The following KDM1A variants were observed in gnomAD, a reference collection of about 807,000 sequenced individuals.
KDM1A encodes the protein lysine-specific histone demethylase 1A.
In KDM1A, 49 loss-of-function variants were observed where a neutral mutation model predicts 109.4. The ratio of observed to expected loss-of-function variants is 0.45; its 90% CI spans 0.36 to 0.57. KDM1A has a LOEUF of 0.57. Among genes scored for constraint, KDM1A ranks in the 20% least tolerant of loss-of-function variants. KDM1A has a pLI of 0.00. For missense variants in KDM1A, 668 were observed against 1,116.6 expected (o/e 0.60, Z 5.73); for synonymous variants, 380 against 415.4 (o/e 0.91, Z 1.04).
chr1:23,021,416 C>T (rs1641623872), intron 1 of KDM1A, among the ~76,000 whole-genome samples: 3 of 152,172 alleles, frequency 2.0e-5, no homozygotes, highest in Admixed American at 1.3e-4. Context: ...AATCCCTGCA[C>T]TTTGGGAGGC....
chr1:23,055,029 C>T, intron 5 of KDM1A, 40 bp from the exon 6 acceptor site: 1 of 1,287,072 alleles, frequency 7.8e-7, no homozygotes, highest in African/African-American at 1.5e-5. Flanking sequence ...GTTTAAACTG[C>T]TGAAAATAAA....
At chr1:23,044,283 T>A (rs1432929970) in intron 2 of KDM1A, 144 bp from the exon 3 acceptor site, 1 of 697,052 alleles carries the variant, frequency 1.4e-6, no homozygotes, top group South Asian at 1.7e-5. Context: ...TCCCTGGGCC[T>A]TGATTCCAGA....
intron 5 of KDM1A, 96 bp downstream of exon 5, chr1:23,053,935 CATTCAT>C (rs1642748723): frequency 1.4e-6 from 1 of 708,232 alleles, no homozygotes; most frequent in Non-Finnish European, 2.5e-6. Flanking sequence ...TTAATTTTTT[CATTCAT>C]ATTTCCATGT....
At chr1:23,082,005 GA>G in intron 19 of KDM1A, 2 of 370,790 alleles carry the variant, frequency 5.4e-6, no homozygotes, top group Non-Finnish European at 9.3e-6. Context: ...TGGATTCATA[GA>G]CAGGAAGGCA....
chr1:23,037,757 T>A lies in KDM1A; in HGVS notation c.518-6670T>A, dbSNP rs540071083. On this transcript the variant is annotated intron_variant, in intron 2 of 20. Transcript: ENST00000400181. Reference sequence around the variant, plus strand: ...ATTTTTAACTATTTACTGCTTTTGGTCGATAAGAACCCTTGAATCAGATGC... The same window carrying A: ...ATTTTTAACTATTTACTGCTTTTGGACGATAAGAACCCTTGAATCAGATGC... Among the ~76,000 whole-genome samples the A allele has an allele frequency of 1.9e-4, 29 of 152,338 alleles. No individual in the cohort carries two copies. In the South Asian group the frequency reaches 4.8e-3, roughly 25 times the overall value.
At chr1:23,036,907 G>A (rs750386643) in intron 2 of KDM1A, among the ~76,000 whole-genome samples, 9 of 152,192 alleles carry the variant, frequency 5.9e-5, no homozygotes, top group Non-Finnish European at 1.2e-4. Flanking sequence ...ATTATTGTAC[G>A]ATGATAATTA....
At chr1:23,055,316 TATA>T (rs941253620) in intron 6 of KDM1A, 155 bp downstream of exon 6, 10 of 365,166 alleles carry the variant, frequency 2.7e-5, no homozygotes, top group Non-Finnish European at 4.3e-5. Flanking sequence ...TCAAGTTAAA[TATA>T]ATAAATAAAT....
Position 23,083,273 on chromosome 1 carries a change from G to A in KDM1A, c.2540G>A (p.Gly847Glu). The change falls in exon 21 of 21, where the codon GGA becomes GAA. Residue 847 changes from glycine to glutamate, a missense_variant. Gly to Glu is a moderately conservative substitution (Grantham distance 98). Coordinates refer to ENST00000400181, the MANE Select transcript of KDM1A (RefSeq NM_001009999.3). ...CTGCTGAGTGGGCTGCGAGAAGCGG[G>A]AAGAATTGCAGACCAGTTTTTGGGG... ...GALLSGLREA[G>E]RIADQFLGAM... 2 of 1,613,984 alleles carry A rather than the reference G, an allele frequency of 1.2e-6. No homozygotes were observed. The highest frequency in any genetic ancestry group is 1.7e-6 in the Non-Finnish European group (2 of 1,179,986).
Position 23,055,150 on chromosome 1 carries a change from A to G in KDM1A, c.872A>G (p.Lys291Arg). ...AACTTCGGCATCTATAAGAGGATAA[A>G]ACCCCTACCAAGTAAGGACCTCCTA... Reference protein sequence around the residue: ...LINFGIYKRIKPLPTKKTGKV... With the variant: ...LINFGIYKRIRPLPTKKTGKV... The change falls in exon 6 of 21, where the codon AAA becomes AGA. Residue 291 changes from lysine (K) to arginine (R), a missense_variant. Lys to Arg is a conservative substitution (Grantham distance 26). Transcript: ENST00000400181. The G allele has an allele frequency of 6.9e-6, 11 of 1,604,642 alleles. No homozygotes were observed. The highest frequency in any genetic ancestry group is 9.4e-6 in the Non-Finnish European group (11 of 1,175,394).
chr1:23,058,937 CTT>C (rs139330847), intron 8 of KDM1A, 134 bp from the exon 9 acceptor site: 120 of 457,452 alleles, frequency 2.6e-4, no homozygotes, highest in African/African-American at 2.0e-3. Context: ...ACTTAGAGTG[CTT>C]TTTTTTTTGA....
Position 23,019,954 on chromosome 1 carries a change from C to G in KDM1A, c.351+7C>G. 1 of 1,535,572 alleles carries G rather than the reference C, an allele frequency of 6.5e-7. No homozygotes were observed. Among genetic ancestry groups the G allele is most frequent in the East Asian group, 2.7e-5 (1 of 37,612 alleles). On this transcript the variant is annotated splice_region_variant and intron_variant, in intron 1 of 20. Transcript: ENST00000400181. ...CCGGCGCAAGCGGGCGAAGGTAAGGCTCGACCCTTCCCTCAAACGACACCG... is the reference window on the plus strand; with the variant it reads ...CCGGCGCAAGCGGGCGAAGGTAAGGGTCGACCCTTCCCTCAAACGACACCG...
chr1:23,053,869 G>T, intron 5 of KDM1A, 30 bp downstream of exon 5: 1 of 1,180,164 alleles, frequency 8.5e-7, no homozygotes, highest in Non-Finnish European at 1.3e-6. Context: ...GGACTAATTT[G>T]TACTGGATTG....
chr1:23,024,735 G>A (rs1276406184), intron 1 of KDM1A, among the ~76,000 whole-genome samples: 1 of 152,226 alleles, frequency 6.6e-6, no homozygotes, highest in Non-Finnish European at 1.5e-5. Flanking sequence ...TTAGAAAAGT[G>A]TTCTGGAAAA....
chr1:23,059,061 G>GT lies in KDM1A; in HGVS notation c.1073-5dup, dbSNP rs748248796. 2 of 1,584,688 alleles carry GT rather than the reference G, an allele frequency of 1.3e-6. No individual in the cohort carries two copies. Among genetic ancestry groups the GT allele is most frequent in the East Asian group, 4.5e-5 (2 of 44,534 alleles). On this transcript the variant is annotated splice_polypyrimidine_tract_variant and intron_variant, in intron 8 of 20. Transcript: ENST00000400181. ...AGGTCTATTGAATTTAATTGCTTGAGTTTTTTTCTAGGAGGGAATCCTATG... is the reference window on the plus strand; with the variant it reads ...AGGTCTATTGAATTTAATTGCTTGAGTTTTTTTTCTAGGAGGGAATCCTATG...
In KDM1A at chr1:23,056,086, G is replaced by C. The variant is rs201074486; in HGVS notation, c.990+48G>C. On this transcript the variant is annotated intron_variant, in intron 7 of 20. Transcript: ENST00000400181. ...AGAGGCTTGACCTATTGGAAATATG[G>C]TAAGCAAATTATCTGTTGCAAATTA... 8.4e-5 allele frequency: 104 copies of C among 1,233,792 alleles called. No individual in the cohort carries two copies. The African/African-American group carries it at 1.5e-3, about 18-fold the overall frequency. The allele number at this position is 1,233,792 out of a possible 1,614,324, so 76.4% of individuals were successfully genotyped here.
chr1:23,063,240 GT>G lies in KDM1A; in HGVS notation c.1168-2819del, dbSNP rs1308942382. Among the ~76,000 whole-genome samples, 256 of 140,340 alleles carry G rather than the reference GT, an allele frequency of 1.8e-3. 7 individuals are homozygous for G. The highest frequency in any genetic ancestry group is 6.3e-3 in the African/African-American group (240 of 37,964). The allele number at this position is 140,340 out of a possible 152,430, so 92.1% of individuals were successfully genotyped here. On this transcript the variant is annotated intron_variant, in intron 9 of 20. Transcript: ENST00000400181. Reference sequence around the variant, plus strand: ...GGGGTGGGTGTGTGTGGGTGTGTGTGTGTGTGTGTGTGTGTACCAGCTGAGA... The same window carrying G: ...GGGGTGGGTGTGTGTGGGTGTGTGTGGTGTGTGTGTGTGTACCAGCTGAGA...
chr1:23,046,856 A>G (rs780516866), intron 3 of KDM1A, among the ~76,000 whole-genome samples: 10 of 152,214 alleles, frequency 6.6e-5, no homozygotes, highest in Non-Finnish European at 1.2e-4. Flanking sequence ...TATTTAGGCA[A>G]CTTGGAGCTT....
chr1:23,031,289 T>C (rs565271445), intron 2 of KDM1A, among the ~76,000 whole-genome samples: 2 of 152,340 alleles, frequency 1.3e-5, no homozygotes, highest in African/African-American at 4.8e-5. Context: ...CTTTCTGTTT[T>C]GGAGAGACCA....
intron 2 of KDM1A, among the ~76,000 whole-genome samples, chr1:23,039,506 G>C (rs1642244615): frequency 6.6e-6 from 1 of 152,046 alleles, no homozygotes; most frequent in Admixed American, 6.5e-5. Flanking sequence ...TGTTGTCTTT[G>C]TGCCAAAGAT....
Sources: gnomAD v4.1 joint callset for allele counts (sites outside exome capture counted in the v4.1 genomes callset) on GRCh38, gnomAD v4.1.1 for gene constraint, MANE v1.5 for transcripts, NCBI Gene and HGNC (gene_info 2026-07-23, HGNC 2026-07-21) for gene names.